The following ANK3 variants were observed in gnomAD, a reference collection of about 807,000 sequenced individuals.
ANK3 encodes ankyrin 3, also known as ankyrin-3.
Under a neutral mutation model 370.9 loss-of-function variants are expected in ANK3, and 57 were observed. The ratio of observed to expected loss-of-function variants is 0.15; its 90% CI spans 0.12 to 0.19. The LOEUF (loss-of-function observed/expected upper bound fraction) is 0.19, where lower values mean the gene tolerates loss of function less well. ANK3 is among the 10% of genes least tolerant of loss of function. ANK3 has a pLI of 1.00. For synonymous variants in ANK3, 1,929 were observed against 1,946.3 expected (o/e 0.99, Z 0.23); for missense variants, 4,439 against 5,302.1 (o/e 0.84, Z 5.06).
At chr10:60,524,327 G>T (rs1025988640) in intron 2 of ANK3, among the ~76,000 whole-genome samples, 1 of 152,090 alleles carries the variant, frequency 6.6e-6, no homozygotes, top group Non-Finnish European at 1.5e-5. Flanking sequence ...ATCCACAGAA[G>T]AGTATAGACC....
intron 2 of ANK3, among the ~76,000 whole-genome samples, chr10:60,594,044 A>G (rs1196541889): frequency 6.6e-6 from 1 of 152,240 alleles, no homozygotes; most frequent in East Asian, 1.9e-4. Context: ...TGGGCAAATG[A>G]CCGATATTCA....
chr10:60,079,212 C>CAA (rs1564852293), intron 36 of ANK3, among the ~76,000 whole-genome samples: 105 of 151,234 alleles, frequency 6.9e-4, no homozygotes, highest in African/African-American at 2.4e-3. Flanking sequence ...CACACACACA[C>CAA]ACACACACAC....
At chr10:60,082,110 T>C (rs2085426024) in intron 35 of ANK3, 40 bp downstream of exon 35, 1 of 1,536,260 alleles carries the variant, frequency 6.5e-7, no homozygotes. Context: ...CAATTTCTAT[T>C]CTACTTCTGA....
intron 1 of ANK3, among the ~76,000 whole-genome samples, chr10:60,647,982 G>A (rs2078731906): frequency 6.6e-6 from 1 of 151,516 alleles, no homozygotes; most frequent in Admixed American, 6.6e-5. Context: ...CGAGTAGCTG[G>A]GACTACAGGT....
chr10:60,222,938 TG>T (rs2097086690), intron 8 of ANK3, among the ~76,000 whole-genome samples: 2 of 152,190 alleles, frequency 1.3e-5, no homozygotes, highest in African/African-American at 2.4e-5. Context: ...ATACCTCTTT[TG>T]GGGGACCTGT....
chr10:60,316,114 A>T (rs2047360614), intron 1 of ANK3, among the ~76,000 whole-genome samples: 1 of 152,180 alleles, frequency 6.6e-6, no homozygotes, highest in Admixed American at 6.5e-5. Flanking sequence ...GGAGAGAGAC[A>T]GGGAGGACTT....
chr10:60,315,006 C>T (rs773275131), intron 1 of ANK3, among the ~76,000 whole-genome samples: 4 of 152,134 alleles, frequency 2.6e-5, no homozygotes, highest in Non-Finnish European at 5.9e-5. Context: ...GAAATGTAGA[C>T]GAATGATGAT....
In ANK3 at chr10:60,490,498, G is replaced by A. The variant is rs564782572; in HGVS notation, c.96+124688C>T. ...AAAATCAGGAAAGAAGACTTGGGTA[G>A]ACTCAGAACATCATGACCAACCAGC... On this transcript the variant is annotated intron_variant, in intron 2 of 43. Coordinates refer to the ANK3 transcript ENST00000373827. Among the ~76,000 whole-genome samples the A allele has an allele frequency of 2.0e-3, 305 of 152,236 alleles. 1 individual carries two copies. Among genetic ancestry groups the A allele is most frequent in the Non-Finnish European group, 3.1e-3 (209 of 68,022 alleles).
At chr10:60,521,127 G>A (rs1032643785) in intron 2 of ANK3, among the ~76,000 whole-genome samples, 1 of 151,672 alleles carries the variant, frequency 6.6e-6, no homozygotes, top group African/African-American at 2.4e-5. Context: ...TATTAATTAT[G>A]GACCTTATTT....
intron 2 of ANK3, among the ~76,000 whole-genome samples, chr10:60,470,687 A>G (rs572975298): frequency 1.3e-5 from 2 of 152,234 alleles, no homozygotes; most frequent in African/African-American, 4.8e-5. Flanking sequence ...TCTTACTGCA[A>G]CCCTTCCAGA....
chr10:60,447,109 C>T (rs758232585), intron 2 of ANK3, among the ~76,000 whole-genome samples: 8 of 152,174 alleles, frequency 5.3e-5, no homozygotes, highest in Non-Finnish European at 8.8e-5. Context: ...AAATGCCACA[C>T]GGCCACATCC....
intron 2 of ANK3, among the ~76,000 whole-genome samples, chr10:60,560,760 C>A (rs1182971822): frequency 6.6e-6 from 1 of 152,128 alleles, no homozygotes; most frequent in Admixed American, 6.5e-5. Context: ...CCCATAAAAT[C>A]ACAACCACAG....
intron 1 of ANK3, among the ~76,000 whole-genome samples, chr10:60,351,107 C>T (rs530030062): frequency 6.6e-6 from 1 of 152,216 alleles, no homozygotes; most frequent in South Asian, 2.1e-4. Flanking sequence ...CAGTGAAAAT[C>T]TTCCAATTCA....
chr10:60,405,936 A>T (rs1295494891), intron 2 of ANK3, among the ~76,000 whole-genome samples: 1 of 152,192 alleles, frequency 6.6e-6, no homozygotes, highest in Non-Finnish European at 1.5e-5. Context: ...AGCAACCAAT[A>T]CTACATGGTA....
At chr10:60,336,517 CA>C (rs1230107939) in intron 1 of ANK3, among the ~76,000 whole-genome samples, 1 of 152,166 alleles carries the variant, frequency 6.6e-6, no homozygotes, top group Admixed American at 6.5e-5. Context: ...AGCACAATGC[CA>C]AAATGGTCAT....
At chr10:60,088,773 A>G (rs1385302303) in intron 28 of ANK3, among the ~76,000 whole-genome samples, 1 of 152,208 alleles carries the variant, frequency 6.6e-6, no homozygotes, top group Non-Finnish European at 1.5e-5. Context: ...TAGCCTAAAC[A>G]GTTTTTATGA....
chr10:60,355,422 G>A (rs1356730118), intron 1 of ANK3, among the ~76,000 whole-genome samples: 1 of 152,012 alleles, frequency 6.6e-6, no homozygotes, highest in Non-Finnish European at 1.5e-5. Flanking sequence ...GTTCCCTCGG[G>A]ATCCTTTAGT....
At chr10:60,374,145 T>C (rs1174905475) in intron 1 of ANK3, among the ~76,000 whole-genome samples, 1 of 151,812 alleles carries the variant, frequency 6.6e-6, no homozygotes, top group African/African-American at 2.4e-5. Flanking sequence ...GCACAAGGGA[T>C]ACTACTGGAG....
Position 60,141,561 on chromosome 10 carries a change from G to GTTTTTTTTT in ANK3, c.2615-2483_2615-2475dup, listed in dbSNP as rs36033791. Reference sequence around the variant, plus strand: ...CACTGGAGAGGCCATTTCAATTGCTGTTTTTTTTTTTTTTTTTTTTTTTTT... The same window carrying GTTTTTTTTT: ...CACTGGAGAGGCCATTTCAATTGCTGTTTTTTTTTTTTTTTTTTTTTTTTTTTTTTTTTT... On this transcript the variant is annotated intron_variant, in intron 23 of 43. Coordinates refer to ENST00000280772, the MANE Select transcript of ANK3 (RefSeq NM_020987.5). 5.3e-3 allele frequency among the ~76,000 whole-genome samples: 261 copies of GTTTTTTTTT among 48,926 alleles called. 18 individuals carry two copies. The highest frequency in any genetic ancestry group is 0.023 in the African/African-American group (250 of 10,662). The allele number at this position is 48,926 out of a possible 152,430, so 32.1% of individuals were successfully genotyped here. A position where few individuals can be genotyped will look rare whatever the true frequency, so the allele number is the denominator to read the frequency against.
Sources: allele counts gnomAD v4.1 joint callset (sites outside exome capture counted in the v4.1 genomes callset), GRCh38; gene constraint gnomAD v4.1.1; transcripts MANE v1.5; gene names NCBI Gene and HGNC (gene_info 2026-07-23, HGNC 2026-07-21).